RGS8: variants seen among roughly 807,000 people sequenced by gnomAD.
RGS8 encodes the protein regulator of G protein signaling 8.
A neutral mutation model predicts 21.7 loss-of-function variants in RGS8; 8 were observed. That is an observed-to-expected ratio of 0.37 (90% CI 0.22 to 0.66). The LOEUF (loss-of-function observed/expected upper bound fraction) is 0.66. Among genes scored for constraint, RGS8 ranks in the 30% least tolerant of loss-of-function variants. The probability of loss-of-function intolerance (pLI) is 0.59; values close to 1 mark genes in which losing one functional copy is unlikely to be tolerated. For synonymous variants in RGS8, 80 were observed against 83.6 expected (o/e 0.96, Z 0.24); for missense variants, 157 against 217.9 (o/e 0.72, Z 1.76).
the RGS8 span, among the ~76,000 whole-genome samples, chr1:182,700,373 G>A: frequency 6.6e-6 from 1 of 152,194 alleles, no homozygotes; most frequent in South Asian, 2.1e-4. Flanking sequence ...CTAGTCTACA[G>A]TGTGTTACTT....
chr1:182,741,620 G>C, the RGS8 span, among the ~76,000 whole-genome samples: 2 of 120,608 alleles, frequency 1.7e-5, no homozygotes, highest in African/African-American at 6.3e-5. Context: ...CTGGCTGGGC[G>C]GGGGGCTGAC....
chr1:182,664,284 T>TAA (rs1553220368), intron 5 of RGS8, among the ~76,000 whole-genome samples: 2 of 149,112 alleles, frequency 1.3e-5, no homozygotes, highest in South Asian at 4.3e-4. Flanking sequence ...AAGTATCATT[T>TAA]AAAAAAAAAA....
the RGS8 span, among the ~76,000 whole-genome samples, chr1:182,734,187 C>T: frequency 6.6e-6 from 1 of 152,262 alleles, no homozygotes; most frequent in Admixed American, 6.5e-5. Context: ...TCCCAAAGTG[C>T]TGGGATCACA....
upstream of RGS8, among the ~76,000 whole-genome samples, chr1:182,675,776 T>C (rs79908862): frequency 6.6e-6 from 1 of 152,320 alleles, no homozygotes; most frequent in African/African-American, 2.4e-5. Context: ...TAGCACCACC[T>C]TGCTGTAAGG....
chr1:182,646,562 A>G, exon 7 of RGS8: 1 of 614,410 alleles, frequency 1.6e-6, no homozygotes, highest in Non-Finnish European at 2.8e-6. Context: ...AATAGAGTCC[A>G]AGCTCCGGCA....
chr1:182,706,750 G>A, the RGS8 span, among the ~76,000 whole-genome samples: 1 of 151,516 alleles, frequency 6.6e-6, no homozygotes, highest in Non-Finnish European at 1.5e-5. Context: ...ACAGGCATGA[G>A]CCACCATGCC....
the RGS8 span, among the ~76,000 whole-genome samples, chr1:182,720,066 T>C: frequency 6.6e-6 from 1 of 152,232 alleles, no homozygotes; most frequent in Non-Finnish European, 1.5e-5. Flanking sequence ...TCTGATCACT[T>C]TGTAATTGCT....
At chr1:182,654,426 T>A (rs1663168650) in intron 5 of RGS8, among the ~76,000 whole-genome samples, 1 of 152,186 alleles carries the variant, frequency 6.6e-6, no homozygotes, top group Non-Finnish European at 1.5e-5. Flanking sequence ...GACATATTTG[T>A]GATATGTCAA....
upstream of RGS8, among the ~76,000 whole-genome samples, chr1:182,673,263 C>T (rs151167238): frequency 1.2e-3 from 176 of 152,274 alleles, no homozygotes; most frequent in African/African-American, 3.8e-3. Context: ...ATGTATAAAG[C>T]ATTTTCATGT....
chr1:182,734,640 A>G, the RGS8 span: 1 of 152,240 alleles, frequency 6.6e-6, no homozygotes, highest in Admixed American at 6.5e-5. Context: ...CTTGACCAAG[A>G]CAATCTTCCT....
the RGS8 span, among the ~76,000 whole-genome samples, chr1:182,725,080 C>G: frequency 6.5e-4 from 99 of 152,234 alleles, no homozygotes; most frequent in African/African-American, 2.2e-3. Flanking sequence ...AAGGTTAAAG[C>G]TGAGGGGGTT....
the RGS8 span, among the ~76,000 whole-genome samples, chr1:182,742,694 G>T: frequency 1.3e-5 from 2 of 152,140 alleles, no homozygotes; most frequent in African/African-American, 4.8e-5. Context: ...CAGCAGTACC[G>T]TCCAGCTTTG....
At chr1:182,708,304 T>C in the RGS8 span, among the ~76,000 whole-genome samples, 715 of 152,258 alleles carry the variant, frequency 4.7e-3, 10 homozygotes, top group African/African-American at 0.016. Flanking sequence ...GGAAAGGAAT[T>C]TTCCCCCATA....
chr1:182,695,589 T>G, the RGS8 span, among the ~76,000 whole-genome samples: 1 of 152,190 alleles, frequency 6.6e-6, no homozygotes, highest in African/African-American at 2.4e-5. Flanking sequence ...TCTGAGTAGC[T>G]GGGACTACAG....
chr1:182,692,067 A>C, the RGS8 span, among the ~76,000 whole-genome samples: 1 of 149,572 alleles, frequency 6.7e-6, no homozygotes, highest in Non-Finnish European at 1.5e-5. Flanking sequence ...GTGCAGTGGC[A>C]CAATCTCAAC....
At chr1:182,685,900 G>C (rs1664690505), upstream of RGS8, among the ~76,000 whole-genome samples, 1 of 152,180 alleles carries the variant, frequency 6.6e-6, no homozygotes, top group African/African-American at 2.4e-5. Flanking sequence ...TGACCCAGTG[G>C]AGGAGAGAGA....
the RGS8 span, among the ~76,000 whole-genome samples, chr1:182,751,157 A>G: frequency 6.6e-6 from 1 of 152,230 alleles, no homozygotes; most frequent in Non-Finnish European, 1.5e-5. Context: ...ACTAAACAGA[A>G]AGAAGAAATC....
chr1:182,706,814 T>C, the RGS8 span, among the ~76,000 whole-genome samples: 120 of 152,306 alleles, frequency 7.9e-4, 1 homozygote, highest in Non-Finnish European at 1.5e-3. Flanking sequence ...TTATTTCATA[T>C]CAAACTCTAA....
chr1:182,649,057 G>A (rs766009343), intron 5 of RGS8, among the ~76,000 whole-genome samples: 13 of 151,968 alleles, frequency 8.6e-5, no homozygotes, highest in African/African-American at 2.4e-5. Context: ...CCGAGATCAC[G>A]CCACTACACT....
Sources: gnomAD v4.1 joint callset for allele counts (sites outside exome capture counted in the v4.1 genomes callset) on GRCh38, gnomAD v4.1.1 for gene constraint, MANE v1.5 for transcripts, NCBI Gene and HGNC (gene_info 2026-07-23, HGNC 2026-07-21) for gene names.